The following SMOC2 variants were observed in gnomAD, a reference collection of about 807,000 sequenced individuals.
SMOC2 encodes SPARC related modular calcium binding 2, also known as SPARC-related modular calcium-binding protein 2.
In SMOC2, 39 loss-of-function variants were observed where a neutral mutation model predicts 61.4. The observed-to-expected ratio is 0.64, with a 90% CI of 0.49 to 0.83. SMOC2 has a LOEUF of 0.83. Ranked by LOEUF, SMOC2 falls within the 40% of genes least tolerant of loss-of-function variation. SMOC2 has a pLI of 0.00. For synonymous variants in SMOC2, 247 were observed against 239.9 expected (o/e 1.03, Z -0.27); for missense variants, 556 against 592.9 (o/e 0.94, Z 0.65).
chr6:168,565,752 G>A (rs555558550), intron 7 of SMOC2, among the ~76,000 whole-genome samples: 10 of 152,240 alleles, frequency 6.6e-5, no homozygotes, highest in South Asian at 2.1e-4. Flanking sequence ...CACCACCAAC[G>A]CCATCACCCT....
chr6:168,516,273 A>G (rs2248402), intron 2 of SMOC2, among the ~76,000 whole-genome samples: 136,201 of 152,054 alleles, frequency 0.9, 61,913 homozygotes, highest in East Asian at 1. Flanking sequence ...TGTGGAGTTT[A>G]TGTTTTCAGA....
intron 1 of SMOC2, among the ~76,000 whole-genome samples, chr6:168,508,079 T>C (rs1055584812): frequency 6.6e-6 from 1 of 152,272 alleles, no homozygotes; most frequent in African/African-American, 2.4e-5. Flanking sequence ...TCTGGTGAGG[T>C]CTGGGGCTCC....
chr6:168,528,892 G>A (rs1431833979), intron 4 of SMOC2, among the ~76,000 whole-genome samples: 1 of 152,216 alleles, frequency 6.6e-6, no homozygotes, highest in Non-Finnish European at 1.5e-5. Context: ...CTGGGTCTGT[G>A]TGTGTCCCTC....
intron 1 of SMOC2, among the ~76,000 whole-genome samples, chr6:168,503,692 G>A (rs1782792620): frequency 1.3e-5 from 2 of 152,148 alleles, no homozygotes; most frequent in South Asian, 4.2e-4. Flanking sequence ...CTCCCCTGTT[G>A]GTGCAGAGCC....
chr6:168,599,811 C>CCA (rs77047132), intron 8 of SMOC2, among the ~76,000 whole-genome samples: 17,266 of 90,688 alleles, frequency 0.19, 1,968 homozygotes, highest in Middle Eastern at 0.25. Flanking sequence ...CACATTCACC[C>CCA]CACACACACA....
At chr6:168,661,711 A>G (rs1787514646) in intron 11 of SMOC2, among the ~76,000 whole-genome samples, 1 of 152,366 alleles carries the variant, frequency 6.6e-6, no homozygotes, top group East Asian at 1.9e-4. Flanking sequence ...GGAGAATTCT[A>G]TTAATCAGCA....
intron 9 of SMOC2, among the ~76,000 whole-genome samples, chr6:168,610,503 G>T (rs1038711472): frequency 2.6e-5 from 4 of 152,214 alleles, no homozygotes; most frequent in African/African-American, 9.7e-5. Context: ...AGCAGCCTTT[G>T]AGTAGGAAGA....
At chr6:168,579,682 C>T (rs1784880999) in intron 7 of SMOC2, among the ~76,000 whole-genome samples, 1 of 152,170 alleles carries the variant, frequency 6.6e-6, no homozygotes, top group African/African-American at 2.4e-5. Flanking sequence ...CAACCAAGTT[C>T]CAGTCCTTGG....
intron 4 of SMOC2, among the ~76,000 whole-genome samples, chr6:168,542,813 A>T (rs1783901355): frequency 6.6e-6 from 1 of 152,198 alleles, no homozygotes; most frequent in African/African-American, 2.4e-5. Flanking sequence ...TATATTTTTA[A>T]TTTGAATGTT....
chr6:168,587,387 G>A (rs982809455), intron 7 of SMOC2, among the ~76,000 whole-genome samples: 4 of 152,236 alleles, frequency 2.6e-5, no homozygotes, highest in Non-Finnish European at 2.9e-5. Context: ...GCCTCGGGAG[G>A]TCCTAACGAC....
chr6:168,475,845 G>A lies in SMOC2; in HGVS notation c.85-34070G>A, dbSNP rs1489443083. On this transcript the variant is annotated intron_variant, in intron 1 of 12. Transcript: ENST00000356284. The surrounding 1 kb of genome is among the most constrained non-coding windows in gnomAD (Gnocchi z 4.6). ...GCTGGGCAGTGGGCACAGGTGCCAA[G>A]GGGAATGGGGTCAGGGTTCTCCAGG... Among the ~76,000 whole-genome samples, 2 of 152,096 alleles carry A rather than the reference G, an allele frequency of 1.3e-5. No homozygotes were observed. Among genetic ancestry groups the A allele is most frequent in the African/African-American group, 2.4e-5 (1 of 41,456 alleles).
At chr6:168,458,128 C>T (rs531016048) in intron 1 of SMOC2, among the ~76,000 whole-genome samples, 21 of 152,316 alleles carry the variant, frequency 1.4e-4, no homozygotes, top group East Asian at 3.9e-4. Context: ...ACCCAGAGGC[C>T]GGGCTGTGGT....
chr6:168,468,496 C>T (rs1781895146), intron 1 of SMOC2, among the ~76,000 whole-genome samples: 1 of 152,218 alleles, frequency 6.6e-6, no homozygotes, highest in African/African-American at 2.4e-5. Context: ...GGGCAGTGGG[C>T]ACCATTTAGA....
chr6:168,525,247 T>G (rs1783426498), intron 2 of SMOC2, among the ~76,000 whole-genome samples: 1 of 152,250 alleles, frequency 6.6e-6, no homozygotes, highest in Non-Finnish European at 1.5e-5. Flanking sequence ...CAACGTGACG[T>G]CGTCTCCTGT....
chr6:168,491,579 G>A (rs1014590475), intron 1 of SMOC2, among the ~76,000 whole-genome samples: 17 of 152,120 alleles, frequency 1.1e-4, no homozygotes, highest in Non-Finnish European at 4.4e-5. Flanking sequence ...CTTCCTGTGC[G>A]TATGTAAAGA....
intron 9 of SMOC2, among the ~76,000 whole-genome samples, chr6:168,632,172 A>C (rs1786587504): frequency 6.6e-6 from 1 of 152,218 alleles, no homozygotes; most frequent in Admixed American, 6.5e-5. Flanking sequence ...TGGTTGATTA[A>C]TGGTTGGTTG....
chr6:168,542,498 C>T (rs1394305357), intron 4 of SMOC2, among the ~76,000 whole-genome samples: 2 of 152,186 alleles, frequency 1.3e-5, no homozygotes, highest in African/African-American at 4.8e-5. Context: ...AGGGAAACCG[C>T]TGAGAACATT....
At chr6:168,620,867 T>G (rs148371210) in intron 9 of SMOC2, among the ~76,000 whole-genome samples, 1,669 of 152,334 alleles carry the variant, frequency 0.011, 30 homozygotes, top group African/African-American at 0.039. Context: ...AATTGAGTTA[T>G]GTTCTTCCTG....
At chr6:168,545,004 G>C (rs1398264224) in intron 5 of SMOC2, among the ~76,000 whole-genome samples, 2 of 152,152 alleles carry the variant, frequency 1.3e-5, no homozygotes, top group South Asian at 4.1e-4. Flanking sequence ...AGGCATAATG[G>C]GGACACTGGG....
Sources: gnomAD v4.1 joint callset for allele counts (sites outside exome capture counted in the v4.1 genomes callset) on GRCh38, gnomAD v4.1.1 for gene constraint, Gnocchi (gnomAD v3.1) non-coding constraint, MANE v1.5 for transcripts, NCBI Gene and HGNC (gene_info 2026-07-23, HGNC 2026-07-21) for gene names.